The following ASB3 variants were observed in gnomAD, a reference collection of about 807,000 sequenced individuals.
ASB3 encodes the protein ankyrin repeat and SOCS box containing 3, also known as ankyrin repeat and SOCS box protein 3.
ASB3 carries 41 observed loss-of-function variants against 54.5 expected under a neutral mutation model. The observed-to-expected ratio is 0.75, with a 90% CI of 0.59 to 0.98. The LOEUF (loss-of-function observed/expected upper bound fraction) is 0.98, where lower values mean the gene tolerates loss of function less well. Among genes scored for constraint, ASB3 ranks in the 50% least tolerant of loss-of-function variants. ASB3 has a pLI of 0.00. For synonymous variants in ASB3, 266 were observed against 221.2 expected (o/e 1.20, Z -1.80); for missense variants, 733 against 620.0 (o/e 1.18, Z -1.94).
At chr2:53,730,225 C>T (rs1378355911) in intron 3 of ASB3, among the ~76,000 whole-genome samples, 2 of 152,126 alleles carry the variant, frequency 1.3e-5, no homozygotes, top group African/African-American at 4.8e-5. Flanking sequence ...TAATGAAAAA[C>T]AGAATGCCAG....
rs78028486 is a variant in ASB3 at position 53,773,324 on chromosome 2, A to G, written c.-13-7739T>C. Among the ~76,000 whole-genome samples, 1,404 of 150,412 alleles carry G rather than the reference A, an allele frequency of 9.3e-3. 24 individuals carry two copies. Among genetic ancestry groups the G allele is most frequent in the African/African-American group, 0.033 (1,331 of 39,810 alleles). ...TAAGATAAAATATCTTGCTGTGCCT[A>G]TGATACAAAGAAATTATTCACAATG... On this transcript the variant is annotated intron_variant, in intron 1 of 9. Coordinates refer to ENST00000263634, the MANE Select transcript of ASB3 (RefSeq NM_016115.5).
chr2:53,677,507 CT>C (rs1318872029), intron 9 of ASB3, among the ~76,000 whole-genome samples: 4 of 151,996 alleles, frequency 2.6e-5, no homozygotes, highest in Admixed American at 6.6e-5. Flanking sequence ...AAAAAAAACT[CT>C]GCTTTAATGC....
intron 9 of ASB3, among the ~76,000 whole-genome samples, chr2:53,688,832 T>G (rs1668763970): frequency 6.6e-6 from 1 of 151,876 alleles, no homozygotes; most frequent in East Asian, 1.9e-4. Context: ...ATACCTAATG[T>G]AGAAGATGCG....
intron 5 of ASB3, among the ~76,000 whole-genome samples, chr2:53,727,022 T>G (rs1671038013): frequency 6.6e-6 from 1 of 152,092 alleles, no homozygotes; most frequent in African/African-American, 2.4e-5. Flanking sequence ...TTAACTGAAT[T>G]AGGATAGTCC....
At chr2:53,760,937 C>T (rs1276667072) in intron 2 of ASB3, among the ~76,000 whole-genome samples, 1 of 152,174 alleles carries the variant, frequency 6.6e-6, no homozygotes, top group East Asian at 1.9e-4. Context: ...CCTGGAACAG[C>T]CTGCTAGCCC....
At chr2:53,746,912 C>T (rs574649069) in intron 3 of ASB3, among the ~76,000 whole-genome samples, 2 of 152,076 alleles carry the variant, frequency 1.3e-5, no homozygotes, top group Admixed American at 6.5e-5. Flanking sequence ...TTACCATTTA[C>T]AAAATGGTAA....
At chr2:53,678,486 AC>A (rs1668200932) in intron 9 of ASB3, among the ~76,000 whole-genome samples, 1 of 152,222 alleles carries the variant, frequency 6.6e-6, no homozygotes, top group East Asian at 1.9e-4. Flanking sequence ...AAGCCACTTG[AC>A]CAATTTGTGA....
chr2:53,754,524 A>G (rs940275595), intron 2 of ASB3, among the ~76,000 whole-genome samples: 2 of 152,244 alleles, frequency 1.3e-5, no homozygotes, highest in African/African-American at 2.4e-5. Flanking sequence ...TATTTTACCT[A>G]TAGAAAAAAA....
At chr2:53,700,247 C>T (rs1042890295) in intron 8 of ASB3, 24 bp downstream of exon 8, 1 of 1,602,936 alleles carries the variant, frequency 6.2e-7, no homozygotes, top group Non-Finnish European at 8.5e-7. Context: ...AAAGGGTAAG[C>T]CCGACTATGG....
chr2:53,710,387 T>C (rs776002602), intron 7 of ASB3, among the ~76,000 whole-genome samples: 1 of 152,226 alleles, frequency 6.6e-6, no homozygotes, highest in Non-Finnish European at 1.5e-5. Flanking sequence ...ATTTCTACCT[T>C]TTCATTTTTT....
intron 5 of ASB3, among the ~76,000 whole-genome samples, chr2:53,724,741 C>T (rs1448853347): frequency 6.6e-6 from 1 of 152,092 alleles, no homozygotes; most frequent in African/African-American, 2.4e-5. Flanking sequence ...GAGATATAAT[C>T]TTATACCACT....
chr2:53,739,896 A>G (rs1213321526), intron 3 of ASB3, among the ~76,000 whole-genome samples: 2 of 151,816 alleles, frequency 1.3e-5, no homozygotes, highest in Non-Finnish European at 2.9e-5. Context: ...CTGGTCTTGA[A>G]CTCATGGGCT....
chr2:53,762,765 T>C (rs944332619), intron 2 of ASB3, among the ~76,000 whole-genome samples: 1 of 152,188 alleles, frequency 6.6e-6, no homozygotes, highest in Non-Finnish European at 1.5e-5. Context: ...AAATTTGTTA[T>C]CTGTGCTAAT....
At chr2:53,763,914 T>C (rs1259363605) in intron 2 of ASB3, among the ~76,000 whole-genome samples, 1 of 152,154 alleles carries the variant, frequency 6.6e-6, no homozygotes, top group Non-Finnish European at 1.5e-5. Flanking sequence ...CACTCAACTA[T>C]AATAGACACT....
intron 2 of ASB3, among the ~76,000 whole-genome samples, chr2:53,760,753 A>G (rs10192520): frequency 0.54 from 81,853 of 151,468 alleles, 22,760 homozygotes; most frequent in African/African-American, 0.68. Context: ...GATAGTCAGG[A>G]TCTGTGAAGT....
At chr2:53,700,128 G>A in intron 8 of ASB3, 143 bp downstream of exon 8, 1 of 1,295,402 alleles carries the variant, frequency 7.7e-7, no homozygotes, top group East Asian at 2.5e-5. Context: ...ATTATTAGCA[G>A]CCACCAACTC....
intron 5 of ASB3, among the ~76,000 whole-genome samples, chr2:53,723,507 G>C (rs1343120094): frequency 1.3e-5 from 2 of 151,988 alleles, no homozygotes; most frequent in African/African-American, 4.8e-5. Context: ...CTGAGTCCCT[G>C]AAGTGTCATT....
intron 3 of ASB3, chr2:53,748,237 G>T (rs1672333218): frequency 1.3e-5 from 2 of 152,312 alleles, no homozygotes; most frequent in South Asian, 4.1e-4. Context: ...ATTCAAGGGT[G>T]ACTAATTATT....
At chr2:53,751,141 A>T (rs1380562025) in intron 2 of ASB3, among the ~76,000 whole-genome samples, 200 bp from the exon 3 acceptor site, 1 of 152,172 alleles carries the variant, frequency 6.6e-6, no homozygotes, top group Non-Finnish European at 1.5e-5. Context: ...TGGTATTCTT[A>T]ATACACAAAT....
Sources: allele counts gnomAD v4.1 joint callset (sites outside exome capture counted in the v4.1 genomes callset), GRCh38; gene constraint gnomAD v4.1.1; transcripts MANE v1.5; gene names NCBI Gene and HGNC (gene_info 2026-07-23, HGNC 2026-07-21).